The following RFTN1 variants were observed in gnomAD, a reference collection of about 807,000 sequenced individuals.
RFTN1 encodes the protein raftlin, lipid raft linker 1, also known as raftlin.
Under a neutral mutation model 46.5 loss-of-function variants are expected in RFTN1, and 26 were observed. The observed-to-expected ratio is 0.56, with a 90% CI of 0.41 to 0.78. RFTN1 has a LOEUF of 0.78. Ranked by LOEUF, RFTN1 falls within the 30% of genes least tolerant of loss-of-function variation. The pLI is 0.00. For missense variants in RFTN1, 693 were observed against 718.7 expected, an observed-to-expected ratio of 0.96 and a Z score of 0.41; for synonymous variants, 261 against 284.2, an observed-to-expected ratio of 0.92 and a Z score of 0.82.
chr3:16,388,488 T>C (rs2074262383), intron 4 of RFTN1, among the ~76,000 whole-genome samples: 1 of 152,232 alleles, frequency 6.6e-6, no homozygotes, highest in African/African-American at 2.4e-5. Flanking sequence ...ATATATTCAT[T>C]TGAGATTCAG....
At chr3:16,379,468 T>A (rs1351780141) in intron 4 of RFTN1, among the ~76,000 whole-genome samples, 1 of 152,244 alleles carries the variant, frequency 6.6e-6, no homozygotes, top group Non-Finnish European at 1.5e-5. Context: ...TGATGCTGCA[T>A]GGTATCATTG....
chr3:16,394,986 G>A (rs919508341), intron 4 of RFTN1, among the ~76,000 whole-genome samples: 3 of 151,940 alleles, frequency 2.0e-5, no homozygotes, highest in Admixed American at 1.3e-4. Context: ...TGATGATAAA[G>A]GCAACCAAGT....
intron 6 of RFTN1, among the ~76,000 whole-genome samples, chr3:16,362,026 A>G (rs1455829608): frequency 6.6e-6 from 1 of 152,224 alleles, no homozygotes; most frequent in African/African-American, 2.4e-5. Flanking sequence ...TATTGGAGCA[A>G]TAGCTGACTG....
At chr3:16,423,518 C>T (rs57460964) in intron 3 of RFTN1, among the ~76,000 whole-genome samples, 11,925 of 152,204 alleles carry the variant, frequency 0.078, 1,134 homozygotes, top group African/African-American at 0.23. Context: ...ACTCATGAAA[C>T]GTGTGGACAC....
In RFTN1 at chr3:16,335,189, C is replaced by T. The variant is rs1340740399; in HGVS notation, c.1147-8313G>A. 1.3e-5 allele frequency among the ~76,000 whole-genome samples: 2 copies of T among 152,142 alleles called. No homozygotes were observed. The highest frequency in any genetic ancestry group is 3.8e-4 in the East Asian group (2 of 5,196). On this transcript the variant is annotated intron_variant, in intron 7 of 9. Coordinates refer to ENST00000334133, the MANE Select transcript of RFTN1 (RefSeq NM_015150.2). This position sits in a 1 kb window ranked among gnomAD's most constrained non-coding sequence, Gnocchi z 4.7. ...CAGGAAATTAATCCACAGCTCAGGG[C>T]CAGGAAAAGGCTGGGATGGGGATAA... is the stretch of plus-strand genomic sequence containing the variant.
rs2076694915 is a variant in RFTN1 at position 16,500,604 on chromosome 3, A to T, written c.-8-6727T>A. Among the ~76,000 whole-genome samples, 1 of 152,200 alleles carries T rather than the reference A, an allele frequency of 6.6e-6. No homozygotes were observed. The highest frequency in any genetic ancestry group is 2.1e-4 in the South Asian group (1 of 4,830). ...TTCCGAGACCCGAACTGCAAGAAGA[A>T]GATGACAGACATTGCAAATGATCTG... On this transcript the variant is annotated intron_variant, in intron 1 of 9. Transcript: ENST00000334133. The surrounding 1 kb of genome is among the most constrained non-coding windows in gnomAD (Gnocchi z 5.9).
intron 7 of RFTN1, among the ~76,000 whole-genome samples, chr3:16,333,887 C>G (rs180908805): frequency 5.9e-5 from 9 of 152,176 alleles, no homozygotes; most frequent in African/African-American, 2.2e-4. Flanking sequence ...AACTACCAGC[C>G]GGGCGTGGTG....
intron 8 of RFTN1, among the ~76,000 whole-genome samples, chr3:16,326,241 G>A (rs1246333157): frequency 6.6e-6 from 1 of 152,244 alleles, no homozygotes; most frequent in Admixed American, 6.5e-5. Flanking sequence ...TATAAGGAAT[G>A]CCGCACCAAG....
chr3:16,419,294 GA>G (rs1378506961), intron 3 of RFTN1, among the ~76,000 whole-genome samples: 2 of 152,136 alleles, frequency 1.3e-5, no homozygotes, highest in Non-Finnish European at 2.9e-5. Context: ...AAGTTACTGA[GA>G]AAGGACGGTA....
At chr3:16,391,603 A>G (rs528251027) in intron 4 of RFTN1, among the ~76,000 whole-genome samples, 1 of 152,324 alleles carries the variant, frequency 6.6e-6, no homozygotes, top group South Asian at 2.1e-4. Context: ...TGGGAGGACA[A>G]AAATAGTTAC....
At chr3:16,367,125 A>G (rs760054734) in intron 6 of RFTN1, among the ~76,000 whole-genome samples, 1 of 152,222 alleles carries the variant, frequency 6.6e-6, no homozygotes, top group South Asian at 2.1e-4. Context: ...CCTGTGGAAA[A>G]TATTTTGGAG....
rs969320541 is a variant in RFTN1, at chr3:16,442,350, A to T, written c.146-8313T>A. ...TTTCATCACCCCCAAAGGAAACTCC[A>T]TGTCCATTAAGCAGTTACTCTTCCC... On this transcript the variant is annotated intron_variant, in intron 2 of 9. Transcript: ENST00000334133. This position sits in a 1 kb window ranked among gnomAD's most constrained non-coding sequence, Gnocchi z 4.1. Among the ~76,000 whole-genome samples the T allele has an allele frequency of 3.3e-5, 5 of 152,102 alleles. No individual in the cohort carries two copies. The highest frequency in any genetic ancestry group is 7.4e-5 in the Non-Finnish European group (5 of 68,012).
intron 2 of RFTN1, among the ~76,000 whole-genome samples, chr3:16,441,961 A>AAAT (rs2075633994): frequency 6.6e-6 from 1 of 152,216 alleles, no homozygotes; most frequent in African/African-American, 2.4e-5. Flanking sequence ...TATAGGTAGG[A>AAAT]AATAGGAGTC....
At position 16,459,977 on chromosome 3, in the gene RFTN1, T is replaced by A. The variant is rs1329180222; in HGVS notation, c.146-25940A>T. ...CTCAGATAACTGAAGCCAAGACATT[T>A]TTGAGAACATGAATTTTCCATATGA... On this transcript the variant is annotated intron_variant, in intron 2 of 9. Transcript: ENST00000334133. This position sits in a 1 kb window ranked among gnomAD's most constrained non-coding sequence, Gnocchi z 4.2. Among the ~76,000 whole-genome samples, 1 of 152,218 alleles carries A rather than the reference T, an allele frequency of 6.6e-6. No individual in the cohort carries two copies. Among genetic ancestry groups the A allele is most frequent in the Non-Finnish European group, 1.5e-5 (1 of 68,022 alleles).
intron 2 of RFTN1, among the ~76,000 whole-genome samples, chr3:16,487,156 G>A (rs904536777): frequency 3.9e-5 from 6 of 152,204 alleles, no homozygotes; most frequent in Non-Finnish European, 5.9e-5. Flanking sequence ...GCCAGTCTGT[G>A]GTATTTTATT....
chr3:16,408,714 T>C lies in RFTN1; in HGVS notation c.441+661A>G, dbSNP rs190200165. Among the ~76,000 whole-genome samples, 26 of 147,822 alleles carry C rather than the reference T, an allele frequency of 1.8e-4. 3 individuals are homozygous for C. The highest frequency in any genetic ancestry group is 3.2e-4 in the Non-Finnish European group (21 of 66,394). ...CAATAATTATTAACAAATTCCCTAA[T>C]TGGCTGATTGGACCTCAAATCACAA... On this transcript the variant is annotated intron_variant, in intron 4 of 9. Transcript: ENST00000334133.
Position 16,329,254 on chromosome 3 carries a change from A to T in RFTN1, c.1147-2378T>A, listed in dbSNP as rs561078037. 2.2e-4 allele frequency among the ~76,000 whole-genome samples: 34 copies of T among 152,332 alleles called. No individual in the cohort carries two copies. The highest frequency in any genetic ancestry group is 7.2e-4 in the African/African-American group (30 of 41,574). On this transcript the variant is annotated intron_variant, in intron 7 of 9. Coordinates refer to ENST00000334133, the MANE Select transcript of RFTN1 (RefSeq NM_015150.2). The surrounding 1 kb of genome is among the most constrained non-coding windows in gnomAD (Gnocchi z 4.5). ...GGACTTCCCAGCCTCCAGGACCAGG[A>T]GCCAAGAACTGTCTGTCCTTTATAA...
At position 16,452,687 on chromosome 3, in the gene RFTN1, G is replaced by T. The variant is rs1559354766; in HGVS notation, c.146-18650C>A. On this transcript the variant is annotated intron_variant, in intron 2 of 9. Transcript: ENST00000334133. This position sits in a 1 kb window ranked among gnomAD's most constrained non-coding sequence, Gnocchi z 6.3. ...GTCTCAACTGTGACAGTGAAGGAGT[G>T]GTCAGTGTTGCCAGGCCCTTCAGTA... Among the ~76,000 whole-genome samples, 2 of 152,176 alleles carry T rather than the reference G, an allele frequency of 1.3e-5. No homozygotes were observed. The highest frequency in any genetic ancestry group is 2.9e-5 in the Non-Finnish European group (2 of 68,032).
At chr3:16,464,667 C>T (rs2124934684) in intron 2 of RFTN1, among the ~76,000 whole-genome samples, 1 of 152,382 alleles carries the variant, frequency 6.6e-6, no homozygotes, top group East Asian at 1.9e-4. Context: ...CAAGTCCAGC[C>T]CACTGCCTGG....
Sources: gnomAD v4.1 joint callset for allele counts (sites outside exome capture counted in the v4.1 genomes callset) on GRCh38, gnomAD v4.1.1 for gene constraint, Gnocchi (gnomAD v3.1) non-coding constraint, MANE v1.5 for transcripts, NCBI Gene and HGNC (gene_info 2026-07-23, HGNC 2026-07-21) for gene names.